The following CACNA2D3 variants were observed in gnomAD, a reference collection of about 807,000 sequenced individuals.
CACNA2D3 encodes the protein calcium voltage-gated channel auxiliary subunit alpha2delta 3, also known as voltage-dependent calcium channel subunit alpha-2/delta-3.
Under a neutral mutation model 160.6 loss-of-function variants are expected in CACNA2D3, and 60 were observed. The ratio of observed to expected loss-of-function variants is 0.37; its 90% confidence interval spans 0.30 to 0.46. The LOEUF is 0.46. CACNA2D3 is among the 20% of genes least tolerant of loss of function. The pLI, the probability that CACNA2D3 is intolerant of heterozygous loss-of-function variation, is 1.00. For synonymous variants in CACNA2D3, 558 were observed against 492.9 expected, an observed-to-expected ratio of 1.13 and a Z score of -1.75; for missense variants, 1,205 against 1,365.0, an observed-to-expected ratio of 0.88 and a Z score of 1.85.
intron 2 of CACNA2D3, among the ~76,000 whole-genome samples, chr3:54,184,771 G>A (rs1266135729): frequency 6.6e-6 from 1 of 152,206 alleles, no homozygotes; most frequent in Non-Finnish European, 1.5e-5. Flanking sequence ...AGTTAATGTG[G>A]GTGAAATGGA....
chr3:54,210,270 A>G (rs1435775448), intron 2 of CACNA2D3, among the ~76,000 whole-genome samples: 1 of 152,206 alleles, frequency 6.6e-6, no homozygotes, highest in Non-Finnish European at 1.5e-5. Context: ...GAGAAATTAC[A>G]TCTAAGGTTT....
intron 11 of CACNA2D3, among the ~76,000 whole-genome samples, chr3:54,706,911 CT>C (rs1170331148): frequency 4.6e-5 from 7 of 152,242 alleles, no homozygotes; most frequent in Non-Finnish European, 4.4e-5. Flanking sequence ...ATCCATCACT[CT>C]GTTCCCTACC....
intron 35 of CACNA2D3, among the ~76,000 whole-genome samples, chr3:55,040,778 G>T (rs1167783638): frequency 6.6e-6 from 1 of 152,076 alleles, no homozygotes; most frequent in African/African-American, 2.4e-5. Flanking sequence ...TGTTATTTTT[G>T]ATTTGAGGAG....
chr3:54,333,564 C>T (rs1263982252), intron 3 of CACNA2D3, among the ~76,000 whole-genome samples: 2 of 152,048 alleles, frequency 1.3e-5, no homozygotes, highest in Middle Eastern at 3.4e-3. Flanking sequence ...CAGCCAAATG[C>T]GCTCTGGAGA....
At chr3:54,592,293 G>A (rs1274388731) in intron 9 of CACNA2D3, among the ~76,000 whole-genome samples, 3 of 152,154 alleles carry the variant, frequency 2.0e-5, no homozygotes, top group Non-Finnish European at 2.9e-5. Context: ...AGTTGTCCTG[G>A]AACATAGATT....
chr3:54,989,041 C>T (rs1261105923), intron 31 of CACNA2D3, among the ~76,000 whole-genome samples: 1 of 152,220 alleles, frequency 6.6e-6, no homozygotes, highest in Non-Finnish European at 1.5e-5. Context: ...TCCACCACTT[C>T]TTCAAGCTTC....
intron 34 of CACNA2D3, among the ~76,000 whole-genome samples, chr3:55,013,769 T>C (rs1171761096): frequency 1.3e-5 from 2 of 152,162 alleles, no homozygotes; most frequent in African/African-American, 2.4e-5. Flanking sequence ...TGGCACCCGG[T>C]TGTGAACAGG....
In CACNA2D3 at chr3:54,867,962, C is replaced by G. The variant is rs543371267; in HGVS notation, c.1627-3577C>G. 5.4e-5 allele frequency among the ~76,000 whole-genome samples: 8 copies of G among 149,128 alleles called. No individual in the cohort carries two copies. In the East Asian group the frequency reaches 7.9e-4, roughly 15 times the overall value. The stretch of plus-strand genomic sequence containing the variant: ...GAATTATGCTTAATGGGAGTGGTGC[C>G]CAAGGAGTTCCCTACAGGAAAACCG... On this transcript the variant is annotated intron_variant, in intron 17 of 37. Transcript: ENST00000474759.
intron 9 of CACNA2D3, among the ~76,000 whole-genome samples, chr3:54,606,856 T>C (rs1698638512): frequency 6.6e-6 from 1 of 152,120 alleles, no homozygotes; most frequent in South Asian, 2.1e-4. Flanking sequence ...TAAATTAACA[T>C]AATCATAGTA....
intron 2 of CACNA2D3, among the ~76,000 whole-genome samples, chr3:54,133,717 T>C (rs970780104): frequency 6.6e-6 from 1 of 152,156 alleles, no homozygotes; most frequent in Admixed American, 6.5e-5. Context: ...CCCTTGAGGG[T>C]CAGCCCTCCC....
intron 3 of CACNA2D3, among the ~76,000 whole-genome samples, chr3:54,350,985 T>TTTTTTTA (rs1559457824): frequency 7.2e-5 from 3 of 41,850 alleles, no homozygotes; most frequent in Non-Finnish European, 1.5e-4. Context: ...TTTTTTTGTT[T>TTTTTTTA]GTTTTTTTTT....
intron 11 of CACNA2D3, among the ~76,000 whole-genome samples, chr3:54,717,665 CATGTGTGGT>C (rs1476063578): frequency 9.0e-6 from 1 of 111,650 alleles, no homozygotes; most frequent in Admixed American, 1.0e-4. Context: ...CGTGTGTATG[CATGTGTGGT>C]GTGTGTGGTG....
At chr3:54,984,316 A>G (rs1380245960) in intron 29 of CACNA2D3, among the ~76,000 whole-genome samples, 2 of 150,898 alleles carry the variant, frequency 1.3e-5, no homozygotes, top group African/African-American at 4.9e-5. Flanking sequence ...AAAAAAAAAA[A>G]GGAAGACAAA....
intron 9 of CACNA2D3, among the ~76,000 whole-genome samples, chr3:54,618,659 C>A (rs1157959828): frequency 6.6e-6 from 1 of 152,022 alleles, no homozygotes; most frequent in Non-Finnish European, 1.5e-5. Context: ...TGAATGTAGC[C>A]ACCACTGCTT....
chr3:55,017,864 T>C (rs1316042505), intron 34 of CACNA2D3, among the ~76,000 whole-genome samples: 2 of 152,242 alleles, frequency 1.3e-5, no homozygotes, highest in Admixed American at 1.3e-4. Context: ...GTATAACTTA[T>C]ATTTTATACA....
chr3:54,504,082 C>A (rs952661954), intron 5 of CACNA2D3, among the ~76,000 whole-genome samples: 10 of 152,160 alleles, frequency 6.6e-5, no homozygotes, highest in African/African-American at 2.2e-4. Context: ...CTTCTGACCC[C>A]TGATGTGGTA....
chr3:54,197,102 T>C (rs925715049), intron 2 of CACNA2D3, among the ~76,000 whole-genome samples: 1 of 152,188 alleles, frequency 6.6e-6, no homozygotes, highest in Non-Finnish European at 1.5e-5. Flanking sequence ...GCATCTCTGT[T>C]TGTTGTCCAG....
At chr3:54,924,521 TA>T in intron 27 of CACNA2D3, 1 of 1,036,326 alleles carries the variant, frequency 9.6e-7, no homozygotes, top group Non-Finnish European at 1.4e-6. Flanking sequence ...ATCCACCCCT[TA>T]CACACTCCTC....
intron 2 of CACNA2D3, among the ~76,000 whole-genome samples, chr3:54,189,660 G>A (rs1700944766): frequency 6.6e-6 from 1 of 152,154 alleles, no homozygotes; most frequent in Admixed American, 6.5e-5. Context: ...CTAGCTTCAG[G>A]AGGAAGTTGT....
Sources: gnomAD v4.1 joint callset for allele counts (sites outside exome capture counted in the v4.1 genomes callset) on GRCh38, gnomAD v4.1.1 for gene constraint, MANE v1.5 for transcripts, NCBI Gene and HGNC (gene_info 2026-07-23, HGNC 2026-07-21) for gene names.